Variants in DCHS2 observed in about 807,000 individuals in gnomAD.
DCHS2 encodes the protein protocadherin-23.
In DCHS2, 142 loss-of-function variants were observed where a neutral mutation model predicts 182.4. That is an observed-to-expected ratio of 0.78 (90% CI 0.68 to 0.89). The LOEUF is 0.89. Ranked by LOEUF, DCHS2 falls within the 40% of genes least tolerant of loss-of-function variation. The probability of loss-of-function intolerance (pLI) is 0.00; values close to 1 mark genes in which losing one functional copy is unlikely to be tolerated. For missense variants in DCHS2, 4,319 were observed against 4,198.6 expected (o/e 1.03, Z -0.79); for synonymous variants, 1,740 against 1,663.3 (o/e 1.05, Z -1.12).
intron 1 of DCHS2, among the ~76,000 whole-genome samples, chr4:154,453,829 T>C (rs1462916539): frequency 6.6e-6 from 1 of 152,200 alleles, no homozygotes; most frequent in Non-Finnish European, 1.5e-5. Flanking sequence ...AGAGCATCTC[T>C]GAACTGACAT....
At chr4:154,314,310 ATT>A (rs1735772506) in intron 10 of DCHS2, among the ~76,000 whole-genome samples, 2 of 152,158 alleles carry the variant, frequency 1.3e-5, no homozygotes, top group African/African-American at 4.8e-5. Flanking sequence ...AGCTAAAATT[ATT>A]GTGAAACACA....
At chr4:154,250,838 T>G (rs1007308389) in intron 16 of DCHS2, among the ~76,000 whole-genome samples, 7 of 152,206 alleles carry the variant, frequency 4.6e-5, no homozygotes, top group African/African-American at 1.7e-4. Flanking sequence ...TTCAACTGCT[T>G]ATAGTTGTAT....
At position 154,298,047 on chromosome 4, in the gene DCHS2, G is replaced by A. The variant is rs868714262; in HGVS notation, c.6267C>T (p.Tyr2089=). The A allele has an allele frequency of 1.2e-6, 2 of 1,614,096 alleles. No individual in the cohort carries two copies. Among genetic ancestry groups the A allele is most frequent in the South Asian group, 2.2e-5 (2 of 91,082 alleles). The change falls in exon 13 of 20, where the codon TAC becomes TAT. Residue 2089 remains tyrosine (Y), a synonymous_variant. Transcript: ENST00000357232. Reference sequence around the variant, plus strand: ...TTTGCTGAAATTGAATTTCTCCTGTGTATTTATCAATAGAAAACATTGACT... The same window carrying A: ...TTTGCTGAAATTGAATTTCTCCTGTATATTTATCAATAGAAAACATTGACT... The part of the protein sequence containing the change: ...ETQSMFSIDK[Y]TGEIQFQQNP...
At position 154,490,503 on chromosome 4, in the gene DCHS2, G is replaced by T; in HGVS notation, c.853C>A (p.Arg285Ser). The T allele has an allele frequency of 6.5e-7, 1 of 1,537,130 alleles. No individual in the cohort carries two copies. The highest frequency in any genetic ancestry group is 8.7e-7 in the Non-Finnish European group (1 of 1,146,432). Residue 285 changes from arginine (R) to serine (S), a missense_variant, in exon 1 of 20, where the codon CGC becomes AGC. Coordinates refer to ENST00000357232, the MANE Select transcript of DCHS2 (RefSeq NM_001358235.2). ...GGGTTGTCGTTCTCATCCAGCACGCGCAGCTCCACGCTCAGGAGGCCGGTG... is the reference window on the plus strand; with the variant it reads ...GGGTTGTCGTTCTCATCCAGCACGCTCAGCTCCACGCTCAGGAGGCCGGTG... The part of the protein sequence containing the change: ...RRTGLLSVEL[R>S]VLDENDNPPV...
intron 13 of DCHS2, among the ~76,000 whole-genome samples, chr4:154,274,435 T>G (rs1733737793): frequency 6.6e-6 from 1 of 152,166 alleles, no homozygotes; most frequent in African/African-American, 2.4e-5. Flanking sequence ...ATCTAAGGAC[T>G]TGTACTGAAC....
At chr4:154,284,731 T>C (rs1734311455) in intron 13 of DCHS2, among the ~76,000 whole-genome samples, 1 of 152,162 alleles carries the variant, frequency 6.6e-6, no homozygotes, top group Non-Finnish European at 1.5e-5. Flanking sequence ...ATCTCCTGTC[T>C]CAGCAGTTGG....
At chr4:154,363,572 GT>G (rs1730220507) in intron 3 of DCHS2, among the ~76,000 whole-genome samples, 1 of 152,192 alleles carries the variant, frequency 6.6e-6, no homozygotes, top group South Asian at 2.1e-4. Flanking sequence ...AATTGGAGAT[GT>G]TGCCCAAAGG....
Position 154,333,180 on chromosome 4 carries a change from G to T in DCHS2, c.3028C>A (p.Arg1010=), listed in dbSNP as rs776438897. The T allele has an allele frequency of 3.4e-5, 55 of 1,614,060 alleles. No individual in the cohort carries two copies. Among genetic ancestry groups the T allele is most frequent in the Middle Eastern group, 1.6e-4 (1 of 6,084 alleles). ...ATGGAGTACCGGATGAGTCCGTTCC[G>T]CCCACTGTCTCTGTCTTCCGCACGT... is the stretch of plus-strand genomic sequence containing the variant. The part of the protein sequence containing the change: ...LARAEDRDSG[R]NGLIRYSIAS... The change falls in exon 5 of 20, where the codon CGG becomes AGG. Residue 1010 remains arginine, a synonymous_variant. Transcript: ENST00000357232.
intron 1 of DCHS2, among the ~76,000 whole-genome samples, chr4:154,423,624 A>G (rs1452583734): frequency 6.6e-6 from 1 of 152,228 alleles, no homozygotes; most frequent in Non-Finnish European, 1.5e-5. Context: ...GCTTCTTTTC[A>G]TCACTGAAAT....
intron 13 of DCHS2, among the ~76,000 whole-genome samples, chr4:154,282,603 G>A (rs1221523831): frequency 6.6e-6 from 1 of 151,932 alleles, no homozygotes; most frequent in Non-Finnish European, 1.5e-5. Context: ...GCCCACTATG[G>A]AACATAGTAC....
chr4:154,366,083 A>G, intron 3 of DCHS2, 127 bp downstream of exon 3: 1 of 674,992 alleles, frequency 1.5e-6, no homozygotes, highest in Non-Finnish European at 2.6e-6. Flanking sequence ...CATCTGCTAG[A>G]AGGTTAAGTG....
rs1560790109 is a variant in DCHS2 at position 154,490,349 on chromosome 4, C to A, written c.1007G>T (p.Arg336Leu). ...ACCCGCCCCAGGCACTTGCCGGGCG[C>A]GGACGCTGTAGCGCACGAAGCCATT... ...GPNGFVRYSV[R>L]ARQVPGAGSG... The change falls in exon 1 of 20, where the codon CGC becomes CTC. Residue 336 changes from arginine to leucine, a missense_variant. Physicochemically the swap from Arg to Leu is moderately radical, Grantham distance 102. Transcript: ENST00000357232. 4 of 1,540,196 alleles carry A rather than the reference C, an allele frequency of 2.6e-6. No individual in the cohort carries two copies. Among genetic ancestry groups the A allele is most frequent in the Non-Finnish European group, 3.5e-6 (4 of 1,145,694 alleles).
At position 154,490,335 on chromosome 4, in the gene DCHS2, G is replaced by A. The variant is rs1728765351; in HGVS notation, c.1021C>T (p.Pro341Ser). 6.5e-7 allele frequency: 1 copy of A among 1,542,384 alleles called. No homozygotes were observed. The highest frequency in any genetic ancestry group is 8.7e-7 in the Non-Finnish European group (1 of 1,145,852). ...GCCCCGCCGCCGCTACCCGCCCCAGGCACTTGCCGGGCGCGGACGCTGTAG... is the reference window on the plus strand; with the variant it reads ...GCCCCGCCGCCGCTACCCGCCCCAGACACTTGCCGGGCGCGGACGCTGTAG... Reference protein sequence around the residue: ...VRYSVRARQVPGAGSGGGALG... With the variant: ...VRYSVRARQVSGAGSGGGALG... Residue 341 changes from proline to serine, a missense_variant, in exon 1 of 20, where the codon CCT becomes TCT. Pro to Ser is a moderately conservative substitution (Grantham distance 74, BLOSUM62 -1). Transcript: ENST00000357232.
intron 16 of DCHS2, among the ~76,000 whole-genome samples, chr4:154,252,173 T>G (rs1267206212): frequency 6.6e-6 from 1 of 152,162 alleles, no homozygotes; most frequent in African/African-American, 2.4e-5. Context: ...TCTTTTTCAA[T>G]TTTTAATTTT....
chr4:154,477,898 T>C (rs1414604350), intron 1 of DCHS2, among the ~76,000 whole-genome samples: 1 of 152,192 alleles, frequency 6.6e-6, no homozygotes, highest in Non-Finnish European at 1.5e-5. Flanking sequence ...CTATATGTCC[T>C]AGTCAATCCC....
At position 154,427,338 on chromosome 4, in the gene DCHS2, A is replaced by T. The variant is rs7685089; in HGVS notation, c.2053-49894T>A. 1.1e-4 allele frequency among the ~76,000 whole-genome samples: 17 copies of T among 152,248 alleles called. No individual in the cohort carries two copies. In the East Asian group the frequency reaches 1.5e-3, roughly 14 times the overall value. On this transcript the variant is annotated intron_variant, in intron 1 of 19. Coordinates refer to ENST00000357232, the MANE Select transcript of DCHS2 (RefSeq NM_001358235.2). ...CCACCACAGAGTTTCAGCCACTCAC[A>T]GGTGAAATGTTCAAACTGTGTTAAA...
chr4:154,296,825 C>T (rs1252903872), intron 13 of DCHS2, among the ~76,000 whole-genome samples: 1 of 152,102 alleles, frequency 6.6e-6, no homozygotes, highest in Non-Finnish European at 1.5e-5. Flanking sequence ...AAAACTTAAG[C>T]TTCCGATAGG....
At chr4:154,293,315 G>T (rs555712771) in intron 13 of DCHS2, among the ~76,000 whole-genome samples, 1 of 151,910 alleles carries the variant, frequency 6.6e-6, no homozygotes, top group Non-Finnish European at 1.5e-5. Flanking sequence ...CGATTCTCCC[G>T]GATTACAGGC....
Position 154,298,509 on chromosome 4 carries a change from T to G in DCHS2, c.5805A>C (p.Thr1935=). 6.2e-7 allele frequency: 1 copy of G among 1,614,032 alleles called. No individual in the cohort carries two copies. Among genetic ancestry groups the G allele is most frequent in the Non-Finnish European group, 8.5e-7 (1 of 1,179,974 alleles). ...CTCTCACAGAGGACTGGTAATAAAGTGTGGGAAAAGAAGGACTGTGGTCAT... is the reference window on the plus strand; with the variant it reads ...CTCTCACAGAGGACTGGTAATAAAGGGTGGGAAAAGAAGGACTGTGGTCAT... The part of the protein sequence containing the change: ...DANDHSPSFP[T]LYYQSSVRED... Residue 1935 remains threonine, a synonymous_variant, in exon 13 of 20, where the codon ACA becomes ACC. Transcript: ENST00000357232.
Sources: allele counts gnomAD v4.1 joint callset (sites outside exome capture counted in the v4.1 genomes callset), GRCh38; gene constraint gnomAD v4.1.1; transcripts MANE v1.5; gene names NCBI Gene and HGNC (gene_info 2026-07-23, HGNC 2026-07-21).